The following RASL12 variants were observed in gnomAD, a reference collection of about 807,000 sequenced individuals.
The protein encoded by RASL12 is RAS like family 12.
A neutral mutation model predicts 22.9 loss-of-function variants in RASL12; 16 were observed. That is an observed-to-expected ratio of 0.70 (90% CI 0.47 to 1.06). RASL12 has a LOEUF of 1.06. RASL12 is among the 50% of genes least tolerant of loss of function. RASL12 has a pLI of 0.00. For synonymous variants in RASL12, 159 were observed against 152.2 expected, an observed-to-expected ratio of 1.04 and a Z score of -0.33; for missense variants, 306 against 353.1, an observed-to-expected ratio of 0.87 and a Z score of 1.07.
At chr15:65,070,448 TAC>T (rs577361355), upstream of RASL12, among the ~76,000 whole-genome samples, 1 of 152,208 alleles carries the variant, frequency 6.6e-6, no homozygotes, top group Non-Finnish European at 1.5e-5. Flanking sequence ...CAGAAGTTTG[TAC>T]ACTTCAGATC....
At chr15:65,059,621 C>T (rs1420479950) in intron 2 of RASL12, among the ~76,000 whole-genome samples, 1 of 152,224 alleles carries the variant, frequency 6.6e-6, no homozygotes, top group East Asian at 1.9e-4. Context: ...ACCTGCAGGG[C>T]TCAGCATCAG....
chr15:65,047,378 A>C, the RASL12 span, among the ~76,000 whole-genome samples: 1 of 152,162 alleles, frequency 6.6e-6, no homozygotes, highest in African/African-American at 2.4e-5. Context: ...AAATATACAT[A>C]GAAATATATA....
intron 4 of RASL12, among the ~76,000 whole-genome samples, chr15:65,056,591 A>ATG (rs760088650): frequency 2.6e-5 from 4 of 152,176 alleles, no homozygotes; most frequent in Non-Finnish European, 5.9e-5. Context: ...GTGTGCGTGC[A>ATG]TGTGTGTGAG....
chr15:65,066,254 GAAAA>G (rs1452239646), intron 1 of RASL12, among the ~76,000 whole-genome samples: 2 of 151,670 alleles, frequency 1.3e-5, no homozygotes, highest in African/African-American at 4.8e-5. Context: ...AAGAAAGAAA[GAAAA>G]AGAAAAAAGA....
chr15:65,050,838 T>TTTG (rs1433552904), downstream of RASL12, among the ~76,000 whole-genome samples: 2 of 144,792 alleles, frequency 1.4e-5, no homozygotes, highest in African/African-American at 5.1e-5. Context: ...TTCTTCTTCT[T>TTTG]TTTTTTTTTT....
chr15:65,067,461 C>G (rs896621630), intron 1 of RASL12, among the ~76,000 whole-genome samples: 2 of 151,688 alleles, frequency 1.3e-5, no homozygotes, highest in Non-Finnish European at 2.9e-5. Context: ...GTCACTGATA[C>G]GGAGGACAGA....
downstream of RASL12, chr15:65,050,231 G>A: frequency 1.4e-6 from 1 of 728,776 alleles, no homozygotes; most frequent in South Asian, 1.8e-5. Context: ...CAGGGAATCA[G>A]TCGGGGTGTC....
At chr15:65,052,857 C>T, downstream of RASL12, 1 of 984,894 alleles carries the variant, frequency 1.0e-6, no homozygotes, top group Non-Finnish European at 1.5e-6. Flanking sequence ...CTAGTAGCTC[C>T]CAAACTGCAT....
chr15:65,067,957 G>C lies in RASL12; in HGVS notation c.-122C>G. 1 of 1,192,326 alleles carries C rather than the reference G, an allele frequency of 8.4e-7. No individual in the cohort carries two copies. The highest frequency in any genetic ancestry group is 4.3e-5 in the South Asian group (1 of 23,394). The allele number at this position is 1,192,326 out of a possible 1,614,324, so 73.9% of individuals were successfully genotyped here. A position where few individuals can be genotyped will look rare whatever the true frequency, so the allele number is the denominator to read the frequency against. On this transcript the variant is annotated 5_prime_UTR_variant, in exon 1 of 5. Transcript: ENST00000220062. Reference sequence around the variant, plus strand: ...TGGAGCGCGCGGCCCCGGACCCGTCGGCGTCCGCGCCCTCGGCCCCGCGTC... The same window carrying C: ...TGGAGCGCGCGGCCCCGGACCCGTCCGCGTCCGCGCCCTCGGCCCCGCGTC...
Position 65,054,002 on chromosome 15 carries a change from A to C in RASL12, c.*897T>G. Reference sequence around the variant, plus strand: ...CCTGGGTCCTGCCAAACCAGATGACAAACGGGTATACTGTGTTTCTACCTG... The same window carrying C: ...CCTGGGTCCTGCCAAACCAGATGACCAACGGGTATACTGTGTTTCTACCTG... On this transcript the variant is annotated 3_prime_UTR_variant, in exon 5 of 5. Coordinates refer to ENST00000220062, the MANE Select transcript of RASL12 (RefSeq NM_016563.4). 1.0e-6 allele frequency: 1 copy of C among 985,908 alleles called. No individual in the cohort carries two copies. The highest frequency in any genetic ancestry group is 1.2e-6 in the Non-Finnish European group (1 of 829,964). The allele number at this position is 985,908 out of a possible 1,614,324, so 61.1% of individuals were successfully genotyped here.
rs571708622 is a variant in RASL12 at position 65,056,216 on chromosome 15, G to C, written c.426-942C>G. On this transcript the variant is annotated intron_variant, in intron 4 of 4. Transcript: ENST00000220062. Reference sequence around the variant, plus strand: ...CTGAGCTGTCCCGCTGCCCATTCCCGAGGATAATGGCACAGCCACTAGATG... The same window carrying C: ...CTGAGCTGTCCCGCTGCCCATTCCCCAGGATAATGGCACAGCCACTAGATG... Among the ~76,000 whole-genome samples the C allele has an allele frequency of 7.2e-5, 11 of 152,240 alleles. No homozygotes were observed. In the East Asian group the frequency reaches 2.1e-3, roughly 29 times the overall value.
At position 65,054,797 on chromosome 15, in the gene RASL12, G is replaced by T; in HGVS notation, c.*102C>A. ...GACACTGCTTGGTGCTGGAGGCGGG[G>T]TCTGCTGTCCATCAGACGGAAAGGC... On this transcript the variant is annotated 3_prime_UTR_variant, in exon 5 of 5. Coordinates refer to ENST00000220062, the MANE Select transcript of RASL12 (RefSeq NM_016563.4). 2 of 1,514,222 alleles carry T rather than the reference G, an allele frequency of 1.3e-6. No individual in the cohort carries two copies. Among genetic ancestry groups the T allele is most frequent in the Admixed American group, 2.2e-5 (1 of 45,838 alleles). The allele number at this position is 1,514,222 out of a possible 1,614,324, so 93.8% of individuals were successfully genotyped here.
chr15:65,070,296 A>G (rs2086922505), upstream of RASL12, among the ~76,000 whole-genome samples: 1 of 152,222 alleles, frequency 6.6e-6, no homozygotes, highest in South Asian at 2.1e-4. Context: ...GACAATATCA[A>G]TAAGTATATT....
intron 4 of RASL12, among the ~76,000 whole-genome samples, chr15:65,056,695 G>A (rs1161603117): frequency 6.6e-6 from 1 of 152,082 alleles, no homozygotes; most frequent in South Asian, 2.1e-4. Context: ...CAACCTAACC[G>A]ACATTTTACC....
rs1280463696 is a variant in RASL12, at chr15:65,061,824, C to T, written c.161-2406G>A. Among the ~76,000 whole-genome samples, 4 of 151,686 alleles carry T rather than the reference C, an allele frequency of 2.6e-5. No individual in the cohort carries two copies. In the East Asian group the frequency reaches 7.8e-4, roughly 29 times the overall value. ...CAGCACTTTGGGAGGCCAAGGTGGG[C>T]GGATCACAAGGTCAGGAGTTCTAGA... On this transcript the variant is annotated intron_variant, in intron 2 of 4. Transcript: ENST00000220062.
intron 4 of RASL12, among the ~76,000 whole-genome samples, chr15:65,058,138 AG>A (rs1320731242): frequency 2.0e-5 from 3 of 152,286 alleles, no homozygotes; most frequent in African/African-American, 7.2e-5. Flanking sequence ...GCATGGTGGC[AG>A]GAACCTGTAA....
At chr15:65,055,364 A>C in intron 4 of RASL12, 90 bp from the exon 5 acceptor site, 1 of 1,230,052 alleles carries the variant, frequency 8.1e-7, no homozygotes, top group Non-Finnish European at 1.1e-6. Context: ...CCCATGGACT[A>C]GCTGGGTGGC....
chr15:65,050,830 C>CTTTTTTTTTTT (rs1206139825), downstream of RASL12, among the ~76,000 whole-genome samples: 1 of 48,538 alleles, frequency 2.1e-5, no homozygotes, highest in African/African-American at 5.3e-5. Flanking sequence ...CTTTCTTCTT[C>CTTTTTTTTTTT]TTCTTCTTTT....
intron 2 of RASL12, among the ~76,000 whole-genome samples, chr15:65,062,858 T>C (rs1003230786): frequency 1.8e-4 from 27 of 152,204 alleles, no homozygotes; most frequent in African/African-American, 6.5e-4. Flanking sequence ...GTGGCCGGAA[T>C]GTTTAGGCCC....
Sources: gnomAD v4.1 joint callset for allele counts (sites outside exome capture counted in the v4.1 genomes callset) on GRCh38, gnomAD v4.1.1 for gene constraint, MANE v1.5 for transcripts, NCBI Gene and HGNC (gene_info 2026-07-23, HGNC 2026-07-21) for gene names.